Variants in LCOR observed in about 807,000 individuals in gnomAD.
LCOR encodes ligand-dependent corepressor.
A neutral mutation model predicts 64.4 loss-of-function variants in LCOR; 14 were observed. The ratio of observed to expected loss-of-function variants is 0.22; its 90% CI spans 0.14 to 0.34. The LOEUF (loss-of-function observed/expected upper bound fraction) is 0.34, where lower values mean the gene tolerates loss of function less well. Ranked by LOEUF, LCOR falls within the 10% of genes least tolerant of loss-of-function variation. LCOR has a pLI of 1.00. For missense variants in LCOR, 1,686 were observed against 1,765.3 expected (o/e 0.96, Z 0.80); for synonymous variants, 643 against 642.5 (o/e 1.00, Z -0.01).
intron 4 of LCOR, among the ~76,000 whole-genome samples, chr10:96,926,886 G>C (rs963212421): frequency 5.3e-5 from 8 of 151,996 alleles, no homozygotes; most frequent in African/African-American, 1.9e-4. Flanking sequence ...TTATTGCTGA[G>C]TAGTTCTCCA....
intron 2 of LCOR, among the ~76,000 whole-genome samples, chr10:96,882,158 A>G (rs1846272907): frequency 1.3e-5 from 2 of 152,200 alleles, no homozygotes; most frequent in Admixed American, 1.3e-4. Flanking sequence ...GTTGTTTCCC[A>G]AAACAAAAAA....
intron 7 of LCOR, chr10:96,958,134 G>A (rs1847814844): frequency 3.3e-6 from 4 of 1,199,530 alleles, no homozygotes; most frequent in Admixed American, 8.1e-5. Flanking sequence ...TTTGCGTAAT[G>A]TTTGGGATAT....
intron 4 of LCOR, among the ~76,000 whole-genome samples, chr10:96,940,250 C>T (rs997833117): frequency 5.6e-5 from 8 of 143,538 alleles, no homozygotes; most frequent in Admixed American, 7.3e-5. Context: ...TAACGTGATA[C>T]GGAAATTTAT....
chr10:96,952,985 G>T (rs536209241), intron 7 of LCOR, among the ~76,000 whole-genome samples: 1 of 152,134 alleles, frequency 6.6e-6, no homozygotes, highest in East Asian at 1.9e-4. Context: ...TATCAATGTG[G>T]GGGAGTTACT....
At chr10:96,980,162 CAAAAA>C (rs5787211) in intron 7 of LCOR, among the ~76,000 whole-genome samples, 2 of 145,724 alleles carry the variant, frequency 1.4e-5, no homozygotes, top group African/African-American at 4.9e-5. Flanking sequence ...CAAAACAAAA[CAAAAA>C]AAAAAAACTG....
intron 4 of LCOR, among the ~76,000 whole-genome samples, chr10:96,910,113 T>C (rs1210217871): frequency 6.6e-6 from 1 of 152,168 alleles, no homozygotes; most frequent in Non-Finnish European, 1.5e-5. Context: ...GGTATCACTG[T>C]GTTGCCCAGG....
intron 2 of LCOR, among the ~76,000 whole-genome samples, chr10:96,868,807 C>A (rs1477642689): frequency 6.6e-6 from 1 of 152,214 alleles, no homozygotes; most frequent in Middle Eastern, 3.4e-3. Context: ...TGATAGGGAC[C>A]GTCATCTGTC....
At chr10:96,870,667 CCA>C (rs1488494065) in intron 2 of LCOR, among the ~76,000 whole-genome samples, 2 of 152,128 alleles carry the variant, frequency 1.3e-5, no homozygotes, top group Non-Finnish European at 2.9e-5. Flanking sequence ...ATAGTTAACT[CCA>C]GTTTTCTTCT....
At chr10:96,919,932 A>G (rs959741922) in intron 4 of LCOR, among the ~76,000 whole-genome samples, 16 of 152,180 alleles carry the variant, frequency 1.1e-4, no homozygotes, top group African/African-American at 3.6e-4. Context: ...CTTAGCTGTT[A>G]TAAATAATTC....
At chr10:96,976,931 T>A (rs1848044770) in intron 7 of LCOR, among the ~76,000 whole-genome samples, 1 of 152,222 alleles carries the variant, frequency 6.6e-6, no homozygotes, top group African/African-American at 2.4e-5. Context: ...AAGAACCGTT[T>A]ATCTCTTCAG....
chr10:96,883,578 A>G (rs952542172), intron 2 of LCOR, among the ~76,000 whole-genome samples: 2 of 152,122 alleles, frequency 1.3e-5, no homozygotes, highest in Non-Finnish European at 2.9e-5. Context: ...TGTTGTTTCA[A>G]CTTGCAGTTC....
intron 2 of LCOR, among the ~76,000 whole-genome samples, chr10:96,858,789 G>A (rs1295008678): frequency 6.6e-6 from 1 of 152,050 alleles, no homozygotes; most frequent in African/African-American, 2.4e-5. Context: ...TCACAGATCC[G>A]TACTTTTAAC....
At chr10:96,974,965 T>A (rs965601856) in intron 7 of LCOR, among the ~76,000 whole-genome samples, 1 of 152,208 alleles carries the variant, frequency 6.6e-6, no homozygotes, top group African/African-American at 2.4e-5. Flanking sequence ...GGTCAGGCGC[T>A]TAAGACCAGC....
At chr10:96,876,048 A>G (rs1329785314) in intron 2 of LCOR, among the ~76,000 whole-genome samples, 8 of 147,488 alleles carry the variant, frequency 5.4e-5, no homozygotes, top group Non-Finnish European at 4.5e-5. Context: ...TAGAAGCAAC[A>G]TAGACAATTT....
chr10:96,891,154 G>T (rs973006853), intron 2 of LCOR, among the ~76,000 whole-genome samples: 1 of 152,062 alleles, frequency 6.6e-6, no homozygotes, highest in Non-Finnish European at 1.5e-5. Flanking sequence ...AAGCCATATG[G>T]TCCTGGGGTT....
intron 2 of LCOR, among the ~76,000 whole-genome samples, chr10:96,854,169 T>C (rs1845765861): frequency 6.6e-6 from 1 of 152,110 alleles, no homozygotes; most frequent in Non-Finnish European, 1.5e-5. Context: ...ATTGGCTAAA[T>C]GAGATAGCTC....
chr10:96,982,690 G>A lies in LCOR; in HGVS notation c.2230G>A (p.Asp744Asn), dbSNP rs754331923. 4.3e-6 allele frequency: 7 copies of A among 1,613,934 alleles called. No individual in the cohort carries two copies. The South Asian group carries it at 4.4e-5, about 10-fold the overall frequency. Reference sequence around the variant, plus strand: ...TGGAGACACCCAGGAGCTAAATGTCGACCCACTCTTGAAGGAAAGCAGCAC... The same window carrying A: ...TGGAGACACCCAGGAGCTAAATGTCAACCCACTCTTGAAGGAAAGCAGCAC... ...ESGDTQELNVDPLLKESSTFT... is the reference protein window; with the variant it reads ...ESGDTQELNVNPLLKESSTFT... Residue 744 changes from aspartate to asparagine, a missense_variant, in exon 8 of 8, where the codon GAC (aspartate) becomes AAC (asparagine). This residue lies in a region of LCOR where 1,293 missense variants were observed against 1,410.4 expected (regional missense o/e 0.92). Coordinates refer to ENST00000421806, the MANE Select transcript of LCOR (RefSeq NM_001346516.2).
chr10:96,855,423 GT>G (rs869041508), intron 2 of LCOR, among the ~76,000 whole-genome samples: 1 of 146,476 alleles, frequency 6.8e-6, no homozygotes, highest in East Asian at 1.9e-4. Flanking sequence ...GTTTTTTTTT[GT>G]TTTTTGTTTG....
chr10:96,837,946 C>G (rs1168245396), intron 2 of LCOR, among the ~76,000 whole-genome samples: 1 of 152,164 alleles, frequency 6.6e-6, no homozygotes, highest in Non-Finnish European at 1.5e-5. Flanking sequence ...TGGATAGATG[C>G]AAATAAGCAA....
Sources: allele counts gnomAD v4.1 joint callset (sites outside exome capture counted in the v4.1 genomes callset), GRCh38; gene constraint gnomAD v4.1.1; regional missense constraint gnomAD v4.1.1; transcripts MANE v1.5; gene names NCBI Gene and HGNC (gene_info 2026-07-23, HGNC 2026-07-21).